The following COL5A2 variants were observed in gnomAD, a reference collection of about 807,000 sequenced individuals.
The protein encoded by COL5A2 is collagen alpha-2(V) chain.
A neutral mutation model predicts 208.2 loss-of-function variants in COL5A2; 23 were observed. That is an observed-to-expected ratio of 0.11 (90% confidence interval 0.08 to 0.16). The LOEUF (loss-of-function observed/expected upper bound fraction) is 0.16, where lower values mean the gene tolerates loss of function less well. COL5A2 is among the 10% of genes least tolerant of loss of function. The probability of loss-of-function intolerance (pLI) is 1.00; values close to 1 mark genes in which losing one functional copy is unlikely to be tolerated. For synonymous variants in COL5A2, 625 were observed against 628.5 expected (o/e 0.99, Z 0.08); for missense variants, 1,590 against 1,956.4 (o/e 0.81, Z 3.53).
intron 1 of COL5A2, among the ~76,000 whole-genome samples, chr2:189,223,104 A>G (rs1419408394): frequency 6.6e-6 from 1 of 152,222 alleles, no homozygotes; most frequent in African/African-American, 2.4e-5. Flanking sequence ...TCCCATATAA[A>G]TTAGTTTTAT....
chr2:189,236,234 G>A, the COL5A2 span, among the ~76,000 whole-genome samples: 2 of 151,766 alleles, frequency 1.3e-5, no homozygotes, highest in East Asian at 3.9e-4. Flanking sequence ...ATAACCATGA[G>A]CATGACTCTA....
At chr2:189,237,566 C>T in the COL5A2 span, among the ~76,000 whole-genome samples, 6 of 151,614 alleles carry the variant, frequency 4.0e-5, no homozygotes, top group African/African-American at 1.5e-4. Context: ...AGAAATGCAC[C>T]TCAGAGAAGT....
chr2:189,315,784 C>T, the COL5A2 span, among the ~76,000 whole-genome samples: 2 of 152,148 alleles, frequency 1.3e-5, no homozygotes, highest in African/African-American at 4.8e-5. Context: ...TATATACCAA[C>T]AACAGTCAAG....
chr2:189,308,801 T>C, the COL5A2 span, among the ~76,000 whole-genome samples: 1 of 152,204 alleles, frequency 6.6e-6, no homozygotes, highest in Non-Finnish European at 1.5e-5. Flanking sequence ...CCTACCTTTC[T>C]GGACCGAAAC....
At chr2:189,059,691 G>T (rs1310590994) in intron 31 of COL5A2, among the ~76,000 whole-genome samples, 1 of 142,340 alleles carries the variant, frequency 7.0e-6, no homozygotes, top group Non-Finnish European at 1.5e-5. Context: ...CCACCTCCTG[G>T]ATTAAAGTGA....
the COL5A2 span, among the ~76,000 whole-genome samples, chr2:189,333,440 T>A: frequency 9.9e-5 from 15 of 152,112 alleles, no homozygotes; most frequent in African/African-American, 3.4e-4. Flanking sequence ...GAATTTGACA[T>A]CTGAAATAGT....
At chr2:189,329,280 CAT>C in the COL5A2 span, among the ~76,000 whole-genome samples, 1 of 152,058 alleles carries the variant, frequency 6.6e-6, no homozygotes, top group African/African-American at 2.4e-5. Flanking sequence ...ATGTCTAACT[CAT>C]AGAACTCATA....
chr2:189,207,469 C>G (rs1689155990), intron 1 of COL5A2, among the ~76,000 whole-genome samples: 1 of 152,102 alleles, frequency 6.6e-6, no homozygotes, highest in African/African-American at 2.4e-5. Flanking sequence ...TAGCATTCAC[C>G]AGTCATACAA....
At chr2:189,267,039 T>C in the COL5A2 span, among the ~76,000 whole-genome samples, 2 of 152,004 alleles carry the variant, frequency 1.3e-5, no homozygotes, top group South Asian at 4.1e-4. Context: ...CATTGGGCTA[T>C]GAAACCAACA....
Position 189,212,509 on chromosome 2 carries a change from G to A in COL5A2, c.-42+12639C>T, listed in dbSNP as rs538178466. 8.6e-5 allele frequency among the ~76,000 whole-genome samples: 13 copies of A among 151,852 alleles called. 1 individual carries two copies. The South Asian group carries it at 2.7e-3, about 32-fold the overall frequency. ...AAAAAATTAGCTGGGCGTGGTGGTG[G>A]GCGCCTGTAATCCCAGCTACTCAGG... is the stretch of plus-strand genomic sequence containing the variant. On this transcript the variant is annotated intron_variant, in intron 1 of 10. Coordinates refer to the COL5A2 transcript ENST00000649966.
chr2:189,054,645 C>T (rs534785530), intron 35 of COL5A2, among the ~76,000 whole-genome samples: 9 of 141,912 alleles, frequency 6.3e-5, no homozygotes, highest in Non-Finnish European at 1.2e-4. Flanking sequence ...CACTTTTTTA[C>T]TTTTAAAAAT....
At chr2:189,054,071 A>G (rs79907735) in intron 36 of COL5A2, 88 bp downstream of exon 36, 28,389 of 1,401,568 alleles carry the variant, frequency 0.02, 342 homozygotes, top group Middle Eastern at 0.056. Context: ...CTCAGATACC[A>G]TATGTTATAA....
At chr2:189,352,358 A>G in the COL5A2 span, among the ~76,000 whole-genome samples, 5 of 152,168 alleles carry the variant, frequency 3.3e-5, no homozygotes, top group Admixed American at 6.5e-5. Context: ...CTAGTTCTAG[A>G]TCCTTGAGGA....
At chr2:189,228,969 C>T (rs183202110), upstream of COL5A2, among the ~76,000 whole-genome samples, 13 of 151,854 alleles carry the variant, frequency 8.6e-5, no homozygotes, top group Admixed American at 4.6e-4. Context: ...TATGACCAAG[C>T]GAGATTTATC....
the COL5A2 span, among the ~76,000 whole-genome samples, chr2:189,277,470 C>T: frequency 1.3e-5 from 2 of 151,964 alleles, no homozygotes; most frequent in Non-Finnish European, 2.9e-5. Context: ...AAATTGTTGC[C>T]GCTCTCTATA....
upstream of COL5A2, among the ~76,000 whole-genome samples, chr2:189,225,513 G>A (rs1364369916): frequency 6.6e-6 from 1 of 151,620 alleles, no homozygotes; most frequent in African/African-American, 2.4e-5. Flanking sequence ...TTCAAATTTG[G>A]CCAAACAACA....
chr2:189,378,725 A>AC, the COL5A2 span, among the ~76,000 whole-genome samples: 134 of 147,202 alleles, frequency 9.1e-4, no homozygotes, highest in Non-Finnish European at 1.8e-3. Context: ...CTCCGTCTCA[A>AC]CAAAAAAAAA....
intron 21 of COL5A2, 149 bp from the exon 22 acceptor site, chr2:189,066,931 G>A (rs375799551): frequency 1.2e-3 from 792 of 657,830 alleles, no homozygotes; most frequent in Non-Finnish European, 1.9e-3. Context: ...TTAAATGAAT[G>A]CATGTGAATA....
the COL5A2 span, among the ~76,000 whole-genome samples, chr2:189,394,492 C>A: frequency 6.6e-6 from 1 of 152,158 alleles, no homozygotes. Context: ...GAGCCCACTT[C>A]CTCTCTCTGC....
Sources: gnomAD v4.1 joint callset for allele counts (sites outside exome capture counted in the v4.1 genomes callset) on GRCh38, gnomAD v4.1.1 for gene constraint, MANE v1.5 for transcripts, NCBI Gene and HGNC (gene_info 2026-07-23, HGNC 2026-07-21) for gene names.